SYNE2: variants seen among roughly 807,000 people sequenced by gnomAD.
The protein encoded by SYNE2 is spectrin repeat containing nuclear envelope protein 2, also known as nesprin-2.
Under a neutral mutation model 856.3 loss-of-function variants are expected in SYNE2, and 431 were observed. The observed-to-expected ratio is 0.50, with a 90% CI of 0.47 to 0.55. SYNE2 has a LOEUF of 0.55. SYNE2 is among the 20% of genes least tolerant of loss of function. The probability of loss-of-function intolerance (pLI) is 0.00; values close to 1 mark genes in which losing one functional copy is unlikely to be tolerated. For synonymous variants in SYNE2, 2,923 were observed against 2,872.3 expected (o/e 1.02, Z -0.56); for missense variants, 8,129 against 8,023.2 (o/e 1.01, Z -0.50).
chr14:64,190,770 G>A (rs2098514544), intron 99 of SYNE2: 2 of 658,190 alleles, frequency 3.0e-6, no homozygotes, highest in East Asian at 2.7e-5. Context: ...TTTGGGCGCA[G>A]CCCAGTCCTA....
chr14:64,097,589 T>C (rs1486356159), intron 61 of SYNE2, among the ~76,000 whole-genome samples: 1 of 152,248 alleles, frequency 6.6e-6, no homozygotes, highest in Admixed American at 6.5e-5. Flanking sequence ...GCCCCGTGGA[T>C]CCTGGTTCTC....
chr14:64,019,997 A>G lies in SYNE2; in HGVS notation c.5055A>G (p.Glu1685=), dbSNP rs2096924531. 1 of 1,605,736 alleles carries G rather than the reference A, an allele frequency of 6.2e-7. No homozygotes were observed. Among genetic ancestry groups the G allele is most frequent in the African/African-American group, 1.3e-5 (1 of 74,748 alleles). The change falls in exon 35 of 116, where the codon GAA becomes GAG. Residue 1685 remains glutamate, a synonymous_variant. Coordinates refer to ENST00000555002, the MANE Select transcript of SYNE2 (RefSeq NM_182914.3). ...TTTAAAATTACATGTTTTAGGAAGA[A>G]TTACAAGTCCATGAACAAAAAACTT... is the stretch of plus-strand genomic sequence containing the variant. ...TEEDRERLKE[E]LQVHEQKTSE...
Position 64,175,049 on chromosome 14 carries a change from G to C in SYNE2, c.17341G>C (p.Gly5781Arg). 1 of 1,614,158 alleles carries C rather than the reference G, an allele frequency of 6.2e-7. No individual in the cohort carries two copies. Among genetic ancestry groups the C allele is most frequent in the Non-Finnish European group, 8.5e-7 (1 of 1,180,028 alleles). Residue 5781 changes from glycine to arginine, a missense_variant, in exon 95 of 116, where the codon GGT becomes CGT. Gly to Arg is a moderately radical substitution (Grantham distance 125). Coordinates refer to ENST00000555002, the MANE Select transcript of SYNE2 (RefSeq NM_182914.3). ...TGACCTGAAAACTAAAGAGTCTGTG[G>C]GTAGGAGAATCAGTCAACTTCAGGA... ...TTDLKTKESV[G>R]RRISQLQDSW...
intron 45 of SYNE2, among the ~76,000 whole-genome samples, chr14:64,033,814 G>GT (rs2097062338): frequency 1.3e-5 from 2 of 152,118 alleles, no homozygotes; most frequent in Admixed American, 1.3e-4. Flanking sequence ...TCATTTAAAT[G>GT]TTTTTTTCAG....
chr14:64,010,901 A>G (rs1307521552), intron 32 of SYNE2, among the ~76,000 whole-genome samples: 1 of 152,170 alleles, frequency 6.6e-6, no homozygotes, highest in Non-Finnish European at 1.5e-5. Flanking sequence ...TGCTTCCCAA[A>G]TTGCTGGGTT....
At chr14:64,165,899 G>C (rs2098374930) in intron 90 of SYNE2, among the ~76,000 whole-genome samples, 1 of 152,032 alleles carries the variant, frequency 6.6e-6, no homozygotes, top group African/African-American at 2.4e-5. Context: ...GATGACATAG[G>C]GATCTCTTTT....
chr14:63,878,081 C>A (rs1235890678), intron 1 of SYNE2, among the ~76,000 whole-genome samples: 1 of 151,934 alleles, frequency 6.6e-6, no homozygotes, highest in Admixed American at 6.6e-5. Context: ...GAGATGAGGT[C>A]TTACTGTGTT....
intron 57 of SYNE2, among the ~76,000 whole-genome samples, chr14:64,082,728 A>C (rs1412508459): frequency 6.6e-6 from 1 of 152,246 alleles, no homozygotes; most frequent in Non-Finnish European, 1.5e-5. Flanking sequence ...CTGTGAGATA[A>C]CTTTGTTTTG....
chr14:64,196,087 G>C (rs1037499034), intron 99 of SYNE2, among the ~76,000 whole-genome samples: 1 of 152,234 alleles, frequency 6.6e-6, no homozygotes, highest in African/African-American at 2.4e-5. Context: ...ACGTTCAGCA[G>C]GTTGCAGGAA....
chr14:64,027,408 G>A (rs969291297), intron 42 of SYNE2, 76 bp from the exon 43 acceptor site: 2 of 892,394 alleles, frequency 2.2e-6, no homozygotes, highest in South Asian at 1.6e-5. Context: ...ATTAGGATGT[G>A]TGTTACATAA....
intron 99 of SYNE2, among the ~76,000 whole-genome samples, chr14:64,193,882 A>G (rs2098529227): frequency 6.6e-6 from 1 of 152,192 alleles, no homozygotes; most frequent in African/African-American, 2.4e-5. Flanking sequence ...GTGATTCTTC[A>G]TTTTACGGAG....
intron 32 of SYNE2, among the ~76,000 whole-genome samples, chr14:64,015,700 T>C (rs932882824): frequency 6.6e-6 from 1 of 152,098 alleles, no homozygotes; most frequent in African/African-American, 2.4e-5. Context: ...ATTTCTGTTT[T>C]AATTTTTATT....
chr14:63,848,347 T>C (rs1381621018), upstream of SYNE2: 3 of 152,258 alleles, frequency 2.0e-5, no homozygotes, highest in Admixed American at 1.3e-4. Flanking sequence ...TAAACACCAC[T>C]GCACTCAGAC....
intron 80 of SYNE2, among the ~76,000 whole-genome samples, chr14:64,140,425 A>C (rs2098130083): frequency 2.0e-5 from 3 of 152,142 alleles, no homozygotes; most frequent in Non-Finnish European, 4.4e-5. Flanking sequence ...TCTACTAAAA[A>C]TACAGAATTA....
intron 96 of SYNE2, among the ~76,000 whole-genome samples, chr14:64,177,712 G>A (rs1298514582): frequency 6.6e-6 from 1 of 152,112 alleles, no homozygotes; most frequent in Admixed American, 6.6e-5. Flanking sequence ...TCACTTCTTA[G>A]GATCTTAGGG....
chr14:64,053,063 A>G lies in SYNE2; in HGVS notation c.9150A>G (p.Ala3050=). The change falls in exon 48 of 116, where the codon GCA becomes GCG. Residue 3050 remains alanine, a synonymous_variant. Transcript: ENST00000555002. ...TFEEEHGKYQ[A]LLSKMRAIDL... is the part of the protein sequence containing the mutation. ...AGGAAGAACATGGCAAATATCAGGC[A>G]TTATTAAGTAAAATGAGAGCTATTG... 1 of 1,614,146 alleles carries G rather than the reference A, an allele frequency of 6.2e-7. No individual in the cohort carries two copies. The highest frequency in any genetic ancestry group is 8.5e-7 in the Non-Finnish European group (1 of 1,180,022).
At chr14:63,826,653 A>G (rs1889442903) in intron 1 of SYNE2, among the ~76,000 whole-genome samples, 1 of 152,104 alleles carries the variant, frequency 6.6e-6, no homozygotes, top group Non-Finnish European at 1.5e-5. Context: ...CCACATGCGC[A>G]AGAATGACAC....
intron 1 of SYNE2, among the ~76,000 whole-genome samples, chr14:63,806,125 A>G (rs989848247): frequency 2.6e-5 from 4 of 152,092 alleles, no homozygotes; most frequent in Admixed American, 2.0e-4. Context: ...TTTGTCATAG[A>G]TGGCTCTTAT....
chr14:63,777,224 C>CAA (rs1887145003), intron 1 of SYNE2, among the ~76,000 whole-genome samples: 2 of 152,184 alleles, frequency 1.3e-5, no homozygotes, highest in African/African-American at 4.8e-5. Flanking sequence ...ACTGCTATGA[C>CAA]AGAATACTTT....
Sources: gnomAD v4.1 joint callset for allele counts (sites outside exome capture counted in the v4.1 genomes callset) on GRCh38, gnomAD v4.1.1 for gene constraint, MANE v1.5 for transcripts, NCBI Gene and HGNC (gene_info 2026-07-23, HGNC 2026-07-21) for gene names.